Variants in CAST observed in about 807,000 individuals in gnomAD.
The protein encoded by CAST is calpastatin.
Under a neutral mutation model 119.6 loss-of-function variants are expected in CAST, and 76 were observed. The observed-to-expected ratio is 0.64, with a 90% confidence interval of 0.53 to 0.77. The LOEUF (loss-of-function observed/expected upper bound fraction) is 0.77. Among genes scored for constraint, CAST ranks in the 30% least tolerant of loss-of-function variants. The probability of loss-of-function intolerance (pLI) is 0.00; values close to 1 mark genes in which losing one functional copy is unlikely to be tolerated. For synonymous variants in CAST, 319 were observed against 331.6 expected (o/e 0.96, Z 0.41); for missense variants, 953 against 946.5 (o/e 1.01, Z -0.09).
At chr5:96,338,399 C>T in the CAST span, among the ~76,000 whole-genome samples, 1 of 152,090 alleles carries the variant, frequency 6.6e-6, no homozygotes, top group East Asian at 1.9e-4. Flanking sequence ...CTTCCTTCTT[C>T]CTTTGTAATC....
chr5:96,347,518 C>A, the CAST span, among the ~76,000 whole-genome samples: 1 of 152,176 alleles, frequency 6.6e-6, no homozygotes, highest in African/African-American at 2.4e-5. Flanking sequence ...GCTGGTCTAT[C>A]TGTAAATCAG....
chr5:96,767,402 A>G, intron 27 of CAST, 36 bp from the exon 28 acceptor site: 1 of 1,569,440 alleles, frequency 6.4e-7, no homozygotes, highest in Non-Finnish European at 8.8e-7. Context: ...CTTTACAGAT[A>G]TCTATGCTTA....
the CAST span, among the ~76,000 whole-genome samples, chr5:96,380,460 T>G: frequency 1.3e-5 from 2 of 152,226 alleles, no homozygotes; most frequent in South Asian, 4.1e-4. Context: ...TTGTTTGAGT[T>G]GCAAACTGAA....
the CAST span, among the ~76,000 whole-genome samples, chr5:96,493,488 C>A: frequency 6.6e-6 from 1 of 152,106 alleles, no homozygotes; most frequent in African/African-American, 2.4e-5. Context: ...GGAAGTTGGG[C>A]AGGCTGCAAA....
chr5:96,368,331 C>G, the CAST span, among the ~76,000 whole-genome samples: 1 of 151,840 alleles, frequency 6.6e-6, no homozygotes, highest in Non-Finnish European at 1.5e-5. Context: ...GAAACCCCGT[C>G]TCTACTAAAA....
At chr5:96,474,972 T>A in the CAST span, among the ~76,000 whole-genome samples, 2 of 152,148 alleles carry the variant, frequency 1.3e-5, no homozygotes, top group South Asian at 2.1e-4. Flanking sequence ...ATAATAAGAA[T>A]AATAATACGT....
chr5:95,976,944 A>G, the CAST span, among the ~76,000 whole-genome samples: 1 of 152,128 alleles, frequency 6.6e-6, no homozygotes, highest in Non-Finnish European at 1.5e-5. Flanking sequence ...TTATTAATGT[A>G]TGACTTTGGG....
intron 3 of CAST, among the ~76,000 whole-genome samples, chr5:96,700,159 A>G (rs1753714878): frequency 6.6e-6 from 1 of 152,192 alleles, no homozygotes; most frequent in Admixed American, 6.5e-5. Context: ...ATCAGCCCAC[A>G]GTACCCTCCT....
At chr5:96,351,285 C>T in the CAST span, among the ~76,000 whole-genome samples, 1 of 152,168 alleles carries the variant, frequency 6.6e-6, no homozygotes, top group South Asian at 2.1e-4. Flanking sequence ...TTATCTGACC[C>T]TTAGGTTTGG....
At chr5:96,535,345 G>A (rs1745790741) in intron 1 of CAST, among the ~76,000 whole-genome samples, 1 of 151,866 alleles carries the variant, frequency 6.6e-6, no homozygotes. Flanking sequence ...ATATAAGGGA[G>A]CTAACTTTTC....
At chr5:96,327,279 G>A in the CAST span, among the ~76,000 whole-genome samples, 1 of 152,138 alleles carries the variant, frequency 6.6e-6, no homozygotes, top group Non-Finnish European at 1.5e-5. Context: ...CTCAATAAAT[G>A]GTAATTGTTA....
At chr5:96,133,980 C>T in the CAST span, among the ~76,000 whole-genome samples, 1 of 152,164 alleles carries the variant, frequency 6.6e-6, no homozygotes, top group Non-Finnish European at 1.5e-5. Flanking sequence ...TTACCCCAAA[C>T]AAGTGATGTG....
chr5:96,044,771 T>A, the CAST span, among the ~76,000 whole-genome samples: 1 of 152,314 alleles, frequency 6.6e-6, no homozygotes, highest in Non-Finnish European at 1.5e-5. Flanking sequence ...ACTGGAATAC[T>A]GTACTGGAAT....
At chr5:96,102,807 A>G in the CAST span, among the ~76,000 whole-genome samples, 1 of 150,802 alleles carries the variant, frequency 6.6e-6, no homozygotes, top group Non-Finnish European at 1.5e-5. Context: ...TATTGCCTCC[A>G]GTTTAAACCT....
At chr5:96,423,024 A>G in the CAST span, among the ~76,000 whole-genome samples, 1 of 152,224 alleles carries the variant, frequency 6.6e-6, no homozygotes, top group Non-Finnish European at 1.5e-5. Flanking sequence ...AACACTGAGC[A>G]ACTCAAAGTC....
chr5:96,448,188 T>G, the CAST span, among the ~76,000 whole-genome samples: 1 of 152,216 alleles, frequency 6.6e-6, no homozygotes. Context: ...AGAAAGCGTA[T>G]TAACATGTCT....
chr5:96,176,176 T>C, the CAST span, among the ~76,000 whole-genome samples: 1 of 151,924 alleles, frequency 6.6e-6, no homozygotes, highest in Non-Finnish European at 1.5e-5. Context: ...GAGGAACATG[T>C]GCAAAGGCCT....
At chr5:96,178,498 G>A in the CAST span, among the ~76,000 whole-genome samples, 2 of 152,128 alleles carry the variant, frequency 1.3e-5, no homozygotes, top group East Asian at 3.8e-4. Context: ...CTTTGAAAAT[G>A]AGGGGGCTAA....
At chr5:96,398,686 C>T in the CAST span, among the ~76,000 whole-genome samples, 3 of 152,038 alleles carry the variant, frequency 2.0e-5, no homozygotes, top group African/African-American at 7.2e-5. Context: ...CTCTGCTTAT[C>T]AAAGGATCAG....
Sources: gnomAD v4.1 joint callset for allele counts (sites outside exome capture counted in the v4.1 genomes callset) on GRCh38, gnomAD v4.1.1 for gene constraint, MANE v1.5 for transcripts, NCBI Gene and HGNC (gene_info 2026-07-23, HGNC 2026-07-21) for gene names.